Variants in LARGE1 observed in about 807,000 individuals in gnomAD.
LARGE1 encodes LARGE xylosyl- and glucuronyltransferase 1.
A neutral mutation model predicts 87.6 loss-of-function variants in LARGE1; 43 were observed. The ratio of observed to expected loss-of-function variants is 0.49; its 90% CI spans 0.38 to 0.63. LARGE1 has a LOEUF of 0.63. LARGE1 is among the 30% of genes least tolerant of loss of function. The pLI is 0.00. For synonymous variants in LARGE1, 434 were observed against 394.6 expected (o/e 1.10, Z -1.18); for missense variants, 802 against 1,000.2 (o/e 0.80, Z 2.67).
intron 9 of LARGE1, among the ~76,000 whole-genome samples, chr22:33,371,165 CA>C (rs903355635): frequency 2.0e-4 from 28 of 141,118 alleles, no homozygotes; most frequent in South Asian, 4.5e-4. Context: ...AATAGTTGGC[CA>C]AAAAAAAAAC....
the LARGE1 span, among the ~76,000 whole-genome samples, chr22:33,148,726 C>T: frequency 1.3e-5 from 2 of 152,102 alleles, no homozygotes; most frequent in South Asian, 2.1e-4. Context: ...AGTTGCTCTC[C>T]ATCCTTGATA....
chr22:33,766,907 CATATACATATATATATATAT>C (rs2084918068), intron 1 of LARGE1, among the ~76,000 whole-genome samples: 1 of 69,774 alleles, frequency 1.4e-5, no homozygotes, highest in Non-Finnish European at 3.0e-5. Flanking sequence ...CTAATTTAAA[CATATACATATATATATATAT>C]ATATATATAT....
At chr22:33,656,899 A>G (rs957729855) in intron 2 of LARGE1, 1 of 152,244 alleles carries the variant, frequency 6.6e-6, no homozygotes, top group Non-Finnish European at 1.5e-5. Context: ...TAAGATTCAG[A>G]ACAAAGAAGG....
At chr22:33,651,021 AAG>A (rs1427372781) in intron 2 of LARGE1, among the ~76,000 whole-genome samples, 1 of 151,606 alleles carries the variant, frequency 6.6e-6, no homozygotes, top group Admixed American at 6.6e-5. Context: ...ATTGGGGAGA[AAG>A]ACAAGGGAGG....
chr22:33,272,357 T>C (rs753532656), downstream of LARGE1, among the ~76,000 whole-genome samples: 7 of 152,156 alleles, frequency 4.6e-5, no homozygotes, highest in Non-Finnish European at 8.8e-5. Context: ...AAGTCAATGA[T>C]ATGCTGCTGG....
chr22:33,395,356 CAATA>C (rs1211212530), intron 7 of LARGE1, among the ~76,000 whole-genome samples: 1 of 151,954 alleles, frequency 6.6e-6, no homozygotes, highest in Non-Finnish European at 1.5e-5. Context: ...CGGATGGAGC[CAATA>C]AATATTCAAC....
chr22:33,630,067 C>T (rs1448124437), intron 3 of LARGE1, among the ~76,000 whole-genome samples: 5 of 152,138 alleles, frequency 3.3e-5, no homozygotes, highest in African/African-American at 4.8e-5. Flanking sequence ...GGTGTGGTGG[C>T]GTGTGCCTAT....
At chr22:33,674,129 G>C (rs2081497307) in intron 2 of LARGE1, among the ~76,000 whole-genome samples, 1 of 151,094 alleles carries the variant, frequency 6.6e-6, no homozygotes. Flanking sequence ...ATTTTTAGTA[G>C]AGACGGGTTT....
intron 6 of LARGE1, among the ~76,000 whole-genome samples, chr22:33,554,011 A>G (rs1016735859): frequency 3.9e-5 from 6 of 152,088 alleles, no homozygotes; most frequent in Non-Finnish European, 8.8e-5. Context: ...AGAGCTAGGG[A>G]CCCAGGGCAT....
At chr22:33,616,872 T>C (rs1044843050) in intron 4 of LARGE1, among the ~76,000 whole-genome samples, 15 of 152,258 alleles carry the variant, frequency 9.9e-5, no homozygotes, top group African/African-American at 3.6e-4. Context: ...AAAAATGCTC[T>C]GATATTAAAT....
chr22:33,203,093 C>G (rs5007856), intron 11 of LARGE1, among the ~76,000 whole-genome samples: 28,774 of 136,080 alleles, frequency 0.21, 3,012 homozygotes, highest in Middle Eastern at 0.35. Flanking sequence ...CTCTCTCTCT[C>G]TCTCTCTCTG....
At chr22:33,626,016 G>A (rs1036025382) in intron 4 of LARGE1, among the ~76,000 whole-genome samples, 24 of 152,216 alleles carry the variant, frequency 1.6e-4, no homozygotes, top group African/African-American at 5.5e-4. Context: ...CTTTAAGATT[G>A]CATTAGGTCT....
rs185617329 is a variant in LARGE1, at chr22:33,329,380, A to T, written c.1287+8266T>A. On this transcript the variant is annotated intron_variant, in intron 10 of 14. Coordinates refer to ENST00000397394, the MANE Select transcript of LARGE1 (RefSeq NM_133642.5). The stretch of plus-strand genomic sequence containing the variant: ...AATCTAGCTTTTAACATAACAACAG[A>T]TCATTCTTTTACCATCAGTCTTTCT... Among the ~76,000 whole-genome samples, 347 of 151,838 alleles carry T rather than the reference A, an allele frequency of 2.3e-3. 2 individuals carry two copies. Among genetic ancestry groups the T allele is most frequent in the African/African-American group, 7.2e-3 (297 of 41,370 alleles).
chr22:33,800,337 C>A (rs1355212611), intron 1 of LARGE1, among the ~76,000 whole-genome samples: 1 of 152,188 alleles, frequency 6.6e-6, no homozygotes, highest in African/African-American at 2.4e-5. Flanking sequence ...CTATAATTAT[C>A]AAAATCATGA....
At position 33,318,624 on chromosome 22, in the gene LARGE1, C is replaced by T. The variant is rs143592546; in HGVS notation, c.1288-2376G>A. On this transcript the variant is annotated intron_variant, in intron 10 of 14. Coordinates refer to ENST00000397394, the MANE Select transcript of LARGE1 (RefSeq NM_133642.5). ...GGGTTGGGGGAGAGGGGAGGGATAG[C>T]ATTAGGAGATATACCTAATGTTAAA... Among the ~76,000 whole-genome samples, 1,330 of 152,120 alleles carry T rather than the reference C, an allele frequency of 8.7e-3. 16 individuals carry two copies. Among genetic ancestry groups the T allele is most frequent in the African/African-American group, 0.029 (1,220 of 41,476 alleles).
At chr22:33,536,459 C>T (rs2077046204) in intron 6 of LARGE1, among the ~76,000 whole-genome samples, 1 of 152,196 alleles carries the variant, frequency 6.6e-6, no homozygotes, top group African/African-American at 2.4e-5. Context: ...GCTGAGCACC[C>T]TGCTATGCAC....
intron 6 of LARGE1, among the ~76,000 whole-genome samples, chr22:33,445,088 C>T: frequency 6.6e-6 from 1 of 152,156 alleles, no homozygotes; most frequent in East Asian, 1.9e-4. Context: ...CCACGGCCTC[C>T]CAAAGTGCTG....
intron 1 of LARGE1, among the ~76,000 whole-genome samples, chr22:33,837,257 T>TACACAC (rs3072340): frequency 6.0e-4 from 90 of 149,756 alleles, no homozygotes; most frequent in African/African-American, 2.1e-3. Flanking sequence ...GTATTACATA[T>TACACAC]ACACACACAC....
At chr22:33,106,578 C>T in the LARGE1 span, among the ~76,000 whole-genome samples, 1 of 152,124 alleles carries the variant, frequency 6.6e-6, no homozygotes, top group Non-Finnish European at 1.5e-5. Flanking sequence ...TCACTGCAAC[C>T]TCTGCCTCCC....
Sources: allele counts gnomAD v4.1 joint callset (sites outside exome capture counted in the v4.1 genomes callset), GRCh38; gene constraint gnomAD v4.1.1; transcripts MANE v1.5; gene names NCBI Gene and HGNC (gene_info 2026-07-23, HGNC 2026-07-21).